GALNTL6: variants seen among roughly 807,000 people sequenced by gnomAD.
The protein encoded by GALNTL6 is polypeptide N-acetylgalactosaminyltransferase like 6, also known as polypeptide N-acetylgalactosaminyltransferase-like 6.
A neutral mutation model predicts 73.7 loss-of-function variants in GALNTL6; 46 were observed. That is an observed-to-expected ratio of 0.62 (90% CI 0.49 to 0.80). The LOEUF (loss-of-function observed/expected upper bound fraction) is 0.80. Among genes scored for constraint, GALNTL6 ranks in the 30% least tolerant of loss-of-function variants. The pLI is 0.00. For synonymous variants in GALNTL6, 259 were observed against 263.7 expected (o/e 0.98, Z 0.17); for missense variants, 604 against 755.0 (o/e 0.80, Z 2.34).
rs145310292 is a variant in GALNTL6, at chr4:172,918,647, C to T, written c.1042-12514C>T. ...CCACCTCACGTAACCCCCAACATAC[C>T]GGAAAAATAGGCTGTCCACTAGGTA... is the stretch of plus-strand genomic sequence containing the variant. On this transcript the variant is annotated intron_variant, in intron 8 of 12. Transcript: ENST00000506823. 2.3e-3 allele frequency among the ~76,000 whole-genome samples: 344 copies of T among 152,232 alleles called. 1 individual carries two copies. Among genetic ancestry groups the T allele is most frequent in the African/African-American group, 7.5e-3 (313 of 41,532 alleles).
chr4:172,209,992 A>G (rs1736272054), intron 2 of GALNTL6, among the ~76,000 whole-genome samples: 1 of 152,092 alleles, frequency 6.6e-6, no homozygotes, highest in Non-Finnish European at 1.5e-5. Flanking sequence ...TTTACTTAAC[A>G]GTTATTAATT....
chr4:172,617,442 CTTTA>C (rs1206169147), intron 5 of GALNTL6, among the ~76,000 whole-genome samples: 50 of 149,528 alleles, frequency 3.3e-4, no homozygotes, highest in African/African-American at 1.2e-3. Context: ...TGCATGTTAA[CTTTA>C]TTTATTTATT....
intron 2 of GALNTL6, among the ~76,000 whole-genome samples, chr4:171,828,979 T>G (rs1734895698): frequency 6.6e-6 from 1 of 152,162 alleles, no homozygotes; most frequent in African/African-American, 2.4e-5. Flanking sequence ...TAGCTTACTT[T>G]ACTGTAATAG....
intron 2 of GALNTL6, among the ~76,000 whole-genome samples, chr4:171,823,703 G>A (rs957598969): frequency 1.3e-4 from 20 of 151,438 alleles, no homozygotes; most frequent in African/African-American, 4.8e-4. Context: ...AATACTGAAA[G>A]GAGATGTCAG....
At chr4:172,843,861 C>G (rs546732244) in intron 7 of GALNTL6, among the ~76,000 whole-genome samples, 1 of 152,184 alleles carries the variant, frequency 6.6e-6, no homozygotes, top group Admixed American at 6.5e-5. Context: ...GAGTTCCTGA[C>G]CAGCCTGGGC....
intron 5 of GALNTL6, among the ~76,000 whole-genome samples, chr4:172,568,717 C>T (rs1418628182): frequency 7.7e-6 from 1 of 130,152 alleles, no homozygotes; most frequent in Non-Finnish European, 1.5e-5. Flanking sequence ...GAGATTGCGC[C>T]ACTGCACTCC....
intron 9 of GALNTL6, among the ~76,000 whole-genome samples, chr4:172,936,024 A>G (rs539613598): frequency 5.3e-5 from 8 of 152,306 alleles, no homozygotes; most frequent in Non-Finnish European, 1.2e-4. Flanking sequence ...TCGATGTGAA[A>G]ATCCTCAATA....
intron 2 of GALNTL6, among the ~76,000 whole-genome samples, chr4:171,921,476 C>G (rs1737785082): frequency 6.6e-6 from 1 of 152,034 alleles, no homozygotes; most frequent in African/African-American, 2.4e-5. Flanking sequence ...CATTAGCACA[C>G]AGTCACAGGT....
intron 5 of GALNTL6, among the ~76,000 whole-genome samples, chr4:172,673,393 A>G (rs1007973456): frequency 1.3e-5 from 2 of 152,190 alleles, no homozygotes; most frequent in African/African-American, 4.8e-5. Flanking sequence ...ACTTCTGATT[A>G]TGTGATCGAT....
chr4:172,348,265 C>T (rs1741822029), intron 4 of GALNTL6, among the ~76,000 whole-genome samples: 1 of 152,148 alleles, frequency 6.6e-6, no homozygotes, highest in Non-Finnish European at 1.5e-5. Flanking sequence ...AAGAGCACAA[C>T]ATTTCAAAAA....
In GALNTL6 at chr4:172,080,558, C is replaced by T. The variant is rs571651106; in HGVS notation, c.139-149098C>T. Among the ~76,000 whole-genome samples, 9 of 151,882 alleles carry T rather than the reference C, an allele frequency of 5.9e-5. No individual in the cohort carries two copies. In the South Asian group the frequency reaches 1.9e-3, roughly 32 times the overall value. On this transcript the variant is annotated intron_variant, in intron 2 of 12. Transcript: ENST00000506823. Reference sequence around the variant, plus strand: ...TTATATGACTATTTTAGAAATAATTCCCACAAATAAAGTGCAATAAAATTT... The same window carrying T: ...TTATATGACTATTTTAGAAATAATTTCCACAAATAAAGTGCAATAAAATTT...
Position 172,154,226 on chromosome 4 carries a change from TTTTG to T in GALNTL6, c.139-75409_139-75406del, listed in dbSNP as rs553359174. ...AAAGGGAGTAAACCCTGACTTTGTT[TTTTG>T]TTTGTTTGTTTGTTTGTTTGAGATG... On this transcript the variant is annotated intron_variant, in intron 2 of 12. Transcript: ENST00000506823. Among the ~76,000 whole-genome samples the T allele has an allele frequency of 3.6e-4, 55 of 152,020 alleles. 1 individual carries two copies. The East Asian group carries it at 5.6e-3, about 16-fold the overall frequency.
intron 4 of GALNTL6, 65 bp downstream of exon 4, chr4:172,311,817 T>G (rs1740374573): frequency 1.7e-6 from 2 of 1,179,374 alleles, no homozygotes; most frequent in Admixed American, 5.6e-5. Flanking sequence ...TTGATTTTTT[T>G]TTAAATGTGT....
intron 7 of GALNTL6, among the ~76,000 whole-genome samples, chr4:172,817,946 G>C (rs1194700935): frequency 6.6e-6 from 1 of 152,210 alleles, no homozygotes; most frequent in Non-Finnish European, 1.5e-5. Flanking sequence ...TTTAATGACA[G>C]AGCTATTAGA....
At chr4:172,221,061 C>G (rs949505232) in intron 2 of GALNTL6, among the ~76,000 whole-genome samples, 7 of 151,750 alleles carry the variant, frequency 4.6e-5, no homozygotes, top group Non-Finnish European at 8.9e-5. Flanking sequence ...TACTATCAAG[C>G]TGTCTATTTT....
intron 5 of GALNTL6, among the ~76,000 whole-genome samples, chr4:172,527,875 AATG>A (rs1173147297): frequency 8.5e-5 from 13 of 152,234 alleles, no homozygotes; most frequent in African/African-American, 2.9e-4. Context: ...ATGTGTTGGG[AATG>A]ATATCTCTAT....
rs1731635224 is a variant in GALNTL6, at chr4:172,074,201, A to C, written c.139-155455A>C. On this transcript the variant is annotated intron_variant, in intron 2 of 12. Transcript: ENST00000506823. ...ACAACTAATTGTAGATTACATTGACATGAAGAAAAATTTAGCTTCCTTAAC... is the reference window on the plus strand; with the variant it reads ...ACAACTAATTGTAGATTACATTGACCTGAAGAAAAATTTAGCTTCCTTAAC... Among the ~76,000 whole-genome samples, 4 of 152,240 alleles carry C rather than the reference A, an allele frequency of 2.6e-5. No individual in the cohort carries two copies. The South Asian group carries it at 8.3e-4, about 32-fold the overall frequency.
At chr4:172,698,275 A>T (rs568047804) in intron 5 of GALNTL6, among the ~76,000 whole-genome samples, 1 of 151,968 alleles carries the variant, frequency 6.6e-6, no homozygotes, top group East Asian at 1.9e-4. Flanking sequence ...GCTTTCTCTC[A>T]TAGTACTATT....
chr4:172,363,052 C>G (rs1295153361), intron 5 of GALNTL6, among the ~76,000 whole-genome samples: 1 of 152,082 alleles, frequency 6.6e-6, no homozygotes, highest in African/African-American at 2.4e-5. Flanking sequence ...ATAACTTTTT[C>G]TTATGCACAA....
Sources: allele counts gnomAD v4.1 joint callset (sites outside exome capture counted in the v4.1 genomes callset), GRCh38; gene constraint gnomAD v4.1.1; transcripts MANE v1.5; gene names NCBI Gene and HGNC (gene_info 2026-07-23, HGNC 2026-07-21).